The following MOB1B variants were observed in gnomAD, a reference collection of about 807,000 sequenced individuals.
The protein encoded by MOB1B is MOB kinase activator 1B, also known as MOB1 Mps One Binder homolog B.
Under a neutral mutation model 24.4 loss-of-function variants are expected in MOB1B, and 19 were observed. That is an observed-to-expected ratio of 0.78 (90% CI 0.54 to 1.14). MOB1B has a LOEUF of 1.14. Among genes scored for constraint, MOB1B ranks in the 50% most tolerant of loss-of-function variants. The probability of loss-of-function intolerance (pLI) is 0.00; values close to 1 mark genes in which losing one functional copy is unlikely to be tolerated. For missense variants in MOB1B, 243 were observed against 259.6 expected, an observed-to-expected ratio of 0.94 and a Z score of 0.44; for synonymous variants, 76 against 82.1, an observed-to-expected ratio of 0.93 and a Z score of 0.40.
chr4:70,969,536 G>A (rs1738670748), intron 2 of MOB1B, among the ~76,000 whole-genome samples: 1 of 152,094 alleles, frequency 6.6e-6, no homozygotes, highest in Admixed American at 6.5e-5. Flanking sequence ...TCAATTTGTA[G>A]TTCCATGATT....
chr4:70,950,714 A>G, intron 1 of MOB1B: 1 of 1,526,060 alleles, frequency 6.6e-7, no homozygotes, highest in Non-Finnish European at 8.8e-7. Flanking sequence ...TCTCAGCCTG[A>G]AGTTGACTGG....
At chr4:70,908,176 C>A (rs1225688689) in intron 1 of MOB1B, among the ~76,000 whole-genome samples, 1 of 151,624 alleles carries the variant, frequency 6.6e-6, no homozygotes, top group African/African-American at 2.4e-5. Context: ...CAGGCACCCA[C>A]CACCATGCCC....
chr4:70,941,448 T>A (rs758533452), intron 1 of MOB1B, among the ~76,000 whole-genome samples: 19 of 152,128 alleles, frequency 1.2e-4, no homozygotes, highest in Non-Finnish European at 2.5e-4. Flanking sequence ...TTCACGCCAT[T>A]CTCCTGCCTC....
intron 1 of MOB1B, among the ~76,000 whole-genome samples, chr4:70,927,590 A>G (rs1269637527): frequency 6.6e-6 from 1 of 151,966 alleles, no homozygotes; most frequent in Non-Finnish European, 1.5e-5. Context: ...TGTGTAGTGC[A>G]TTCACCTATT....
At chr4:70,949,733 A>T (rs1737724525) in intron 1 of MOB1B, among the ~76,000 whole-genome samples, 1 of 152,054 alleles carries the variant, frequency 6.6e-6, no homozygotes, top group Non-Finnish European at 1.5e-5. Flanking sequence ...ATAAAAAAAT[A>T]CAACAACAAA....
intron 1 of MOB1B, among the ~76,000 whole-genome samples, chr4:70,910,736 A>G (rs1735947725): frequency 6.6e-6 from 1 of 152,108 alleles, no homozygotes; most frequent in African/African-American, 2.4e-5. Context: ...ATCACTCATA[A>G]TCACACCTTC....
chr4:70,961,488 A>G (rs1738303439), intron 2 of MOB1B, among the ~76,000 whole-genome samples: 1 of 152,216 alleles, frequency 6.6e-6, no homozygotes, highest in South Asian at 2.1e-4. Context: ...ATGGTTCATC[A>G]CAGATAACTG....
At chr4:70,932,504 T>G (rs1419939447) in intron 1 of MOB1B, among the ~76,000 whole-genome samples, 1 of 152,230 alleles carries the variant, frequency 6.6e-6, no homozygotes, top group Non-Finnish European at 1.5e-5. Flanking sequence ...TAGTATTTTA[T>G]TTTCTGATTT....
chr4:70,934,563 T>C (rs1003995150), intron 1 of MOB1B, among the ~76,000 whole-genome samples: 17 of 151,368 alleles, frequency 1.1e-4, no homozygotes, highest in African/African-American at 4.1e-4. Flanking sequence ...AAGTGATTCT[T>C]CTGCCTCAGC....
At chr4:70,919,316 A>T (rs1157477462) in intron 1 of MOB1B, among the ~76,000 whole-genome samples, 6 of 128,174 alleles carry the variant, frequency 4.7e-5, no homozygotes, top group Admixed American at 7.6e-5. Flanking sequence ...AATAATAATT[A>T]AAAAAAAAAA....
At position 70,984,167 on chromosome 4, in the gene MOB1B, A is replaced by G. The variant is rs1560671581; in HGVS notation, c.*2110A>G. The G allele has an allele frequency of 1.3e-5, 2 of 152,514 alleles. No homozygotes were observed. The highest frequency in any genetic ancestry group is 2.4e-5 in the African/African-American group (1 of 41,450). 9.4% of individuals were successfully genotyped at this position (152,514 alleles called of 1,614,324 possible). A position where few individuals can be genotyped will look rare whatever the true frequency, so the allele number is the denominator to read the frequency against. On this transcript the variant is annotated 3_prime_UTR_variant, in exon 6 of 6. Transcript: ENST00000309395. ...TAGTAGTAAGACCTACTTTCCCACT[A>G]TATGTAGATAGTTTGTTTTCACTGT...
rs972139660 is a variant in MOB1B at position 70,902,585 on chromosome 4, T to C, written c.14+35T>C. 1.9e-6 allele frequency: 3 copies of C among 1,541,120 alleles called. No individual in the cohort carries two copies. In the African/African-American group the frequency reaches 4.1e-5, roughly 21 times the overall value. On this transcript the variant is annotated intron_variant, in intron 1 of 5. Coordinates refer to ENST00000309395, the MANE Select transcript of MOB1B (RefSeq NM_173468.4). The stretch of plus-strand genomic sequence containing the variant: ...CAGGCCCCGCACGCGCCGGCTTTGT[T>C]CGGGTGGACCTGGGCCCCCGCCCGC...
At chr4:70,953,805 A>G (rs1476578876) in intron 1 of MOB1B, among the ~76,000 whole-genome samples, 2 of 152,178 alleles carry the variant, frequency 1.3e-5, no homozygotes, top group African/African-American at 2.4e-5. Flanking sequence ...TTATCTGGGC[A>G]TAGTGGCACA....
chr4:70,946,064 T>C (rs1315854789), intron 1 of MOB1B, among the ~76,000 whole-genome samples: 1 of 149,362 alleles, frequency 6.7e-6, no homozygotes, highest in Non-Finnish European at 1.5e-5. Flanking sequence ...ATGCTTTGGC[T>C]AAGCTGGTTT....
chr4:70,973,469 C>CAAAA (rs528813623), intron 3 of MOB1B, among the ~76,000 whole-genome samples: 5 of 49,414 alleles, frequency 1.0e-4, no homozygotes, highest in Middle Eastern at 0.011. Flanking sequence ...GACCCTGTCT[C>CAAAA]AAAAAAAAAA....
At chr4:70,933,539 A>G (rs1354104444) in intron 1 of MOB1B, among the ~76,000 whole-genome samples, 1 of 140,604 alleles carries the variant, frequency 7.1e-6, no homozygotes, top group Non-Finnish European at 1.5e-5. Flanking sequence ...AATAAAAATA[A>G]CTCTTTTTTT....
intron 1 of MOB1B, among the ~76,000 whole-genome samples, chr4:70,944,160 G>A (rs1038942243): frequency 1.3e-5 from 2 of 151,932 alleles, no homozygotes; most frequent in African/African-American, 4.8e-5. Context: ...CTAGCCTCCT[G>A]AGTAGCTAGG....
At chr4:70,902,354 C>A, upstream of MOB1B, 1 of 691,646 alleles carries the variant, frequency 1.4e-6, no homozygotes, top group Non-Finnish European at 2.6e-6. Flanking sequence ...CCCACTTCCG[C>A]CCCCTCCCCC....
At chr4:70,945,386 T>A (rs1029683855) in intron 1 of MOB1B, among the ~76,000 whole-genome samples, 2 of 152,222 alleles carry the variant, frequency 1.3e-5, no homozygotes, top group South Asian at 4.1e-4. Context: ...TAAACTGTCA[T>A]GGTAAATTCT....
Sources: allele counts gnomAD v4.1 joint callset (sites outside exome capture counted in the v4.1 genomes callset), GRCh38; gene constraint gnomAD v4.1.1; transcripts MANE v1.5; gene names NCBI Gene and HGNC (gene_info 2026-07-23, HGNC 2026-07-21).